Variants in CENPL observed in about 807,000 individuals in gnomAD.
CENPL encodes centromere protein L, also known as interphase centromere complex protein 33.
A neutral mutation model predicts 35.2 loss-of-function variants in CENPL; 20 were observed. The observed-to-expected ratio is 0.57, with a 90% CI of 0.40 to 0.83. The LOEUF is 0.83. CENPL is among the 40% of genes least tolerant of loss of function. The pLI is 0.00. For missense variants in CENPL, 363 were observed against 395.8 expected, an observed-to-expected ratio of 0.92 and a Z score of 0.70; for synonymous variants, 140 against 140.6, an observed-to-expected ratio of 1.00 and a Z score of 0.03.
At chr1:173,820,638 T>C (rs1240882683) in intron 2 of CENPL, among the ~76,000 whole-genome samples, 2 of 152,330 alleles carry the variant, frequency 1.3e-5, no homozygotes, top group African/African-American at 4.8e-5. Context: ...ATGTTCATAG[T>C]AGCTTTATTC....
At chr1:173,820,191 T>A (rs1393809156) in intron 2 of CENPL, among the ~76,000 whole-genome samples, 5 of 152,178 alleles carry the variant, frequency 3.3e-5, no homozygotes, top group Non-Finnish European at 5.9e-5. Context: ...CCTTCCAGCA[T>A]CATGTCAGTG....
chr1:173,807,616 G>C (rs1054237738), intron 3 of CENPL, 98 bp from the exon 4 acceptor site: 23 of 1,026,260 alleles, frequency 2.2e-5, no homozygotes, highest in Non-Finnish European at 3.1e-5. Context: ...ATATTATTGA[G>C]TACCTGATTT....
In CENPL at chr1:173,807,522, T is replaced by TA. The variant is rs754661793; in HGVS notation, c.169-5dup. 4.3e-4 allele frequency: 622 copies of TA among 1,435,038 alleles called. No individual in the cohort carries two copies. The highest frequency in any genetic ancestry group is 7.8e-4 in the South Asian group (47 of 60,164). 88.9% of individuals were successfully genotyped at this position (1,435,038 alleles called of 1,614,324 possible). A position where few individuals can be genotyped will look rare whatever the true frequency, so the allele number is the denominator to read the frequency against. ...CCTTTTGAGGGTCAACATCTTCCTATAAAAAAAAATCAAGACAAAAGAAGT... is the reference window on the plus strand; with the variant it reads ...CCTTTTGAGGGTCAACATCTTCCTATAAAAAAAAAATCAAGACAAAAGAAGT... On this transcript the variant is annotated splice_region_variant and splice_polypyrimidine_tract_variant and intron_variant, in intron 3 of 5. Transcript: ENST00000682279.
chr1:173,801,410 A>G (rs1649737003), intron 5 of CENPL, among the ~76,000 whole-genome samples: 1 of 151,750 alleles, frequency 6.6e-6, no homozygotes, highest in Admixed American at 6.6e-5. Context: ...GCTACTCGGG[A>G]GGCTGAGGCA....
chr1:173,806,992 A>G (rs1441356042), intron 4 of CENPL, among the ~76,000 whole-genome samples: 1 of 152,226 alleles, frequency 6.6e-6, no homozygotes, highest in Non-Finnish European at 1.5e-5. Flanking sequence ...TAAAAATATC[A>G]TAATGTAAAA....
intron 5 of CENPL, 66 bp from the exon 6 acceptor site, chr1:173,800,585 A>T: frequency 1.5e-6 from 1 of 654,354 alleles, no homozygotes; most frequent in Non-Finnish European, 2.7e-6. Flanking sequence ...AAGCAGATTG[A>T]TATTTGAATA....
intron 2 of CENPL, among the ~76,000 whole-genome samples, chr1:173,815,094 G>T (rs4971205): frequency 6.6e-6 from 1 of 152,192 alleles, no homozygotes; most frequent in African/African-American, 2.4e-5. Context: ...AGAAGAAATG[G>T]ATAAATTCCT....
rs1650098465 is a variant in CENPL at position 173,805,169 on chromosome 1, C to T, written c.421-1664G>A. On this transcript the variant is annotated intron_variant, in intron 4 of 5. Coordinates refer to ENST00000682279, the MANE Select transcript of CENPL (RefSeq NM_001387287.1). ...ACTTCTCTGTGCATCAAGTGCTTCA[C>T]TTGACAAAAACTGCTAATTGTCTCT... is the stretch of plus-strand genomic sequence containing the variant. Among the ~76,000 whole-genome samples the T allele has an allele frequency of 2.0e-5, 3 of 152,188 alleles. No homozygotes were observed. In the South Asian group the frequency reaches 6.2e-4, roughly 31 times the overall value.
Position 173,803,475 on chromosome 1 carries a change from T to G in CENPL, c.451A>C (p.Asn151His). Residue 151 changes from asparagine to histidine, a missense_variant, in exon 5 of 6, where the codon AAT becomes CAT. By Grantham distance (68) the Asn-to-His change is moderately conservative. Transcript: ENST00000682279. ...IVSKSQLPSE[N>H]REGKVLWTGW... ...GTCCACAGCACTTTACCTTCTCTAT[T>G]CTCAGATGGCAATTGAGATTTTGAC... The G allele has an allele frequency of 1.3e-6, 2 of 1,583,108 alleles. No homozygotes were observed. The highest frequency in any genetic ancestry group is 1.7e-6 in the Non-Finnish European group (2 of 1,161,774).
At chr1:173,812,523 C>G (rs767431372) in intron 2 of CENPL, among the ~76,000 whole-genome samples, 10 of 152,204 alleles carry the variant, frequency 6.6e-5, no homozygotes, top group Non-Finnish European at 1.0e-4. Flanking sequence ...TGGTGATACC[C>G]AGGCAAACAG....
At chr1:173,815,238 G>A (rs1296264710) in intron 2 of CENPL, among the ~76,000 whole-genome samples, 1 of 152,166 alleles carries the variant, frequency 6.6e-6, no homozygotes, top group Non-Finnish European at 1.5e-5. Flanking sequence ...TGGATTCACA[G>A]CCAAATTCTA....
intron 2 of CENPL, among the ~76,000 whole-genome samples, chr1:173,818,185 TA>T (rs907292007): frequency 3.5e-4 from 52 of 150,356 alleles, no homozygotes; most frequent in African/African-American, 6.6e-4. Flanking sequence ...TTAAAAATGT[TA>T]AAAAAAAAAT....
At position 173,803,466 on chromosome 1, in the gene CENPL, C is replaced by T; in HGVS notation, c.460G>A (p.Gly154Ser). 1 of 1,593,052 alleles carries T rather than the reference C, an allele frequency of 6.3e-7. No homozygotes were observed. Among genetic ancestry groups the T allele is most frequent in the Non-Finnish European group, 8.6e-7 (1 of 1,167,192 alleles). The change falls in exon 5 of 6, where the codon GGT becomes AGT. Residue 154 changes from glycine (G) to serine (S), a missense_variant. By Grantham distance (56) the Gly-to-Ser change is moderately conservative. Transcript: ENST00000682279. ...AACCAGCCAGTCCACAGCACTTTAC[C>T]TTCTCTATTCTCAGATGGCAATTGA... ...KSQLPSENRE[G>S]KVLWTGWFCC...
chr1:173,809,389 G>T (rs1482924402), intron 3 of CENPL, among the ~76,000 whole-genome samples: 2 of 151,818 alleles, frequency 1.3e-5, no homozygotes, highest in Non-Finnish European at 2.9e-5. Context: ...AAGAGTTCCA[G>T]ACCAGCCTGG....
At chr1:173,816,891 G>A (rs1212304879) in intron 2 of CENPL, among the ~76,000 whole-genome samples, 1 of 152,184 alleles carries the variant, frequency 6.6e-6, no homozygotes, top group Non-Finnish European at 1.5e-5. Flanking sequence ...TGTAATCTCA[G>A]CACTTTGGGA....
At chr1:173,819,141 G>A (rs567353441) in intron 2 of CENPL, among the ~76,000 whole-genome samples, 7 of 151,178 alleles carry the variant, frequency 4.6e-5, no homozygotes, top group African/African-American at 1.7e-4. Flanking sequence ...GGAGGCTGAA[G>A]TAGGACTGCA....
At chr1:173,800,560 GTAT>G in intron 5 of CENPL, 41 bp from the exon 6 acceptor site, 2 of 787,558 alleles carry the variant, frequency 2.5e-6, no homozygotes, top group South Asian at 3.0e-5. Context: ...AATTAGAATA[GTAT>G]TAATTATAAC....
intron 2 of CENPL, among the ~76,000 whole-genome samples, chr1:173,820,574 A>G (rs1031334670): frequency 2.6e-5 from 4 of 152,204 alleles, no homozygotes; most frequent in Admixed American, 2.6e-4. Flanking sequence ...TAAAGCTCAA[A>G]TAATGTCCAG....
Position 173,824,340 on chromosome 1 carries a change from A to G in CENPL, c.-230T>C, listed in dbSNP as rs372868751. 7.9e-5 allele frequency: 12 copies of G among 152,450 alleles called. No homozygotes were observed. The highest frequency in any genetic ancestry group is 2.9e-4 in the African/African-American group (12 of 41,588). The allele number at this position is 152,450 out of a possible 1,614,324, so 9.4% of individuals were successfully genotyped here. A position where few individuals can be genotyped will look rare whatever the true frequency, so the allele number is the denominator to read the frequency against. On this transcript the variant is annotated 5_prime_UTR_variant, in exon 1 of 6. Coordinates refer to ENST00000682279, the MANE Select transcript of CENPL (RefSeq NM_001387287.1). Reference sequence around the variant, plus strand: ...CAGAGACCAGCCCAGCTCTGAAATCAAGCCGTTGAGAAAAGGGAATTCGGC... The same window carrying G: ...CAGAGACCAGCCCAGCTCTGAAATCGAGCCGTTGAGAAAAGGGAATTCGGC...
Sources: gnomAD v4.1 joint callset for allele counts (sites outside exome capture counted in the v4.1 genomes callset) on GRCh38, gnomAD v4.1.1 for gene constraint, MANE v1.5 for transcripts, NCBI Gene and HGNC (gene_info 2026-07-23, HGNC 2026-07-21) for gene names.